Variants in DSCAM observed in about 807,000 individuals in gnomAD.
DSCAM encodes the protein DS cell adhesion molecule.
A neutral mutation model predicts 217.7 loss-of-function variants in DSCAM; 47 were observed. That is an observed-to-expected ratio of 0.22 (90% confidence interval 0.17 to 0.28). The LOEUF (loss-of-function observed/expected upper bound fraction) is 0.28, where lower values mean the gene tolerates loss of function less well. Among genes scored for constraint, DSCAM ranks in the 10% least tolerant of loss-of-function variants. The pLI is 1.00. For missense variants in DSCAM, 2,080 were observed against 2,618.3 expected (o/e 0.79, Z 4.49); for synonymous variants, 1,056 against 1,015.3 (o/e 1.04, Z -0.76).
chr21:40,795,446 C>G (rs910875761), intron 1 of DSCAM, among the ~76,000 whole-genome samples: 2 of 152,170 alleles, frequency 1.3e-5, no homozygotes, highest in African/African-American at 4.8e-5. Context: ...TCAAGCTCCC[C>G]AGACTCCTAT....
At chr21:40,331,706 G>A (rs538447070) in intron 8 of DSCAM, among the ~76,000 whole-genome samples, 104 of 152,174 alleles carry the variant, frequency 6.8e-4, no homozygotes, top group African/African-American at 2.3e-3. Flanking sequence ...ATGAGAAATC[G>A]CCACAAATAT....
intron 1 of DSCAM, among the ~76,000 whole-genome samples, chr21:40,731,122 T>C (rs1424460319): frequency 2.6e-5 from 4 of 152,334 alleles, no homozygotes; most frequent in African/African-American, 9.6e-5. Context: ...AATAAGGATG[T>C]GAGCCATAAG....
intron 3 of DSCAM, among the ~76,000 whole-genome samples, chr21:40,375,798 A>T (rs574982142): frequency 2.6e-5 from 4 of 152,322 alleles, no homozygotes; most frequent in South Asian, 4.1e-4. Flanking sequence ...TATTCAAAAC[A>T]TCCTTTCCTA....
At chr21:40,341,652 C>T (rs906310608) in intron 6 of DSCAM, among the ~76,000 whole-genome samples, 32 of 152,294 alleles carry the variant, frequency 2.1e-4, no homozygotes, top group African/African-American at 7.7e-4. Context: ...GCTGGTTTTG[C>T]CTGTGCTTGA....
intron 15 of DSCAM, among the ~76,000 whole-genome samples, chr21:40,173,527 T>C (rs949479592): frequency 6.6e-6 from 1 of 152,168 alleles, no homozygotes; most frequent in Non-Finnish European, 1.5e-5. Flanking sequence ...GAGGGCCTGG[T>C]TGGTCATGGG....
chr21:40,504,195 AGAGAAAAGAG>A (rs959872294), intron 3 of DSCAM, among the ~76,000 whole-genome samples: 10 of 152,326 alleles, frequency 6.6e-5, no homozygotes, highest in African/African-American at 2.4e-4. Context: ...GGAGAAAAGA[AGAGAAAAGAG>A]GAAGAAAAGA....
intron 3 of DSCAM, among the ~76,000 whole-genome samples, chr21:40,402,048 CCTT>C (rs2075239278): frequency 1.0e-5 from 1 of 100,120 alleles, no homozygotes; most frequent in Non-Finnish European, 2.1e-5. Flanking sequence ...TATTCTTATT[CCTT>C]TTTTTTTTTT....
chr21:40,370,379 A>G (rs2074883002), intron 3 of DSCAM, among the ~76,000 whole-genome samples: 1 of 152,146 alleles, frequency 6.6e-6, no homozygotes, highest in African/African-American at 2.4e-5. Flanking sequence ...TGATTCCACT[A>G]GAAAGAATGT....
intron 11 of DSCAM, among the ~76,000 whole-genome samples, chr21:40,225,082 A>G (rs1376414764): frequency 6.6e-6 from 1 of 152,230 alleles, no homozygotes; most frequent in South Asian, 2.1e-4. Context: ...GTACTGGTAA[A>G]CACTGAAACA....
chr21:40,784,042 T>A (rs1335963333), intron 1 of DSCAM, among the ~76,000 whole-genome samples: 3 of 149,682 alleles, frequency 2.0e-5, no homozygotes, highest in Non-Finnish European at 4.4e-5. Context: ...CATCTTTTAT[T>A]ATTTTATTTA....
intron 21 of DSCAM, among the ~76,000 whole-genome samples, chr21:40,088,521 A>T (rs1347405442): frequency 6.6e-6 from 1 of 152,236 alleles, no homozygotes; most frequent in Non-Finnish European, 1.5e-5. Context: ...GAGAAAAAGA[A>T]AATGCCAGAG....
intron 1 of DSCAM, among the ~76,000 whole-genome samples, chr21:40,784,399 C>A (rs1454702315): frequency 5.9e-5 from 9 of 152,170 alleles, no homozygotes; most frequent in Non-Finnish European, 7.4e-5. Flanking sequence ...GCCTCCCCAG[C>A]CACATGGAAC....
At chr21:40,320,054 G>A (rs2074243306) in intron 8 of DSCAM, among the ~76,000 whole-genome samples, 1 of 152,198 alleles carries the variant, frequency 6.6e-6, no homozygotes, top group African/African-American at 2.4e-5. Flanking sequence ...TGGGTAAGGG[G>A]AGGGAAAGCA....
chr21:40,050,493 T>TA (rs1448420954), intron 30 of DSCAM, among the ~76,000 whole-genome samples: 2 of 151,738 alleles, frequency 1.3e-5, no homozygotes, highest in African/African-American at 2.4e-5. Flanking sequence ...GAATCTTTTT[T>TA]TTTTTTGGAG....
At chr21:40,355,082 C>T (rs62223797) in intron 4 of DSCAM, among the ~76,000 whole-genome samples, 4,141 of 151,916 alleles carry the variant, frequency 0.027, 72 homozygotes, top group Middle Eastern at 0.044. Context: ...TTCTGTTGGG[C>T]GGGTGGTGTT....
chr21:40,238,705 C>T (rs899235573), intron 11 of DSCAM, among the ~76,000 whole-genome samples: 1 of 152,186 alleles, frequency 6.6e-6, no homozygotes, highest in Non-Finnish European at 1.5e-5. Context: ...CATGCCTAAA[C>T]CATGTCTAAG....
At chr21:40,638,795 A>T (rs1225588490) in intron 3 of DSCAM, among the ~76,000 whole-genome samples, 3 of 152,172 alleles carry the variant, frequency 2.0e-5, no homozygotes, top group African/African-American at 7.2e-5. Flanking sequence ...CTGTCACCAC[A>T]TTTATTTCAT....
At chr21:40,501,174 C>T (rs1030086540) in intron 3 of DSCAM, among the ~76,000 whole-genome samples, 4 of 152,092 alleles carry the variant, frequency 2.6e-5, no homozygotes, top group Non-Finnish European at 5.9e-5. Flanking sequence ...AAGTATGCTC[C>T]ACACAATATT....
chr21:40,289,665 T>C (rs1220126739), intron 10 of DSCAM, among the ~76,000 whole-genome samples: 1 of 152,198 alleles, frequency 6.6e-6, no homozygotes, highest in Non-Finnish European at 1.5e-5. Flanking sequence ...GTCAATCTCT[T>C]ACTGTGCCTG....
Sources: gnomAD v4.1 joint callset for allele counts (sites outside exome capture counted in the v4.1 genomes callset) on GRCh38, gnomAD v4.1.1 for gene constraint, MANE v1.5 for transcripts, NCBI Gene and HGNC (gene_info 2026-07-23, HGNC 2026-07-21) for gene names.